Variants in PRPS2 observed in about 807,000 individuals in gnomAD.
The protein encoded by PRPS2 is phosphoribosyl pyrophosphate synthetase 2.
For synonymous variants in PRPS2, 111 were observed against 115.3 expected (o/e 0.96, Z 0.24); for missense variants, 104 against 271.5 (o/e 0.38, Z 4.34).
At chrX:12,807,078 G>A (rs908774330) in intron 2 of PRPS2, among the ~76,000 whole-genome samples, 1 of 85,403 alleles carries the variant, frequency 1.2e-5, no homozygotes, top group Non-Finnish European at 2.2e-5. Flanking sequence ...AATATTCTTT[G>A]AACGTGTGTC....
intron 1 of PRPS2, among the ~76,000 whole-genome samples, chrX:12,792,649 G>C (rs767215833): frequency 1.8e-5 from 2 of 112,011 alleles, no homozygotes; most frequent in South Asian, 7.5e-4. Context: ...TTTGGCAAAG[G>C]TTCAATTTTA....
In PRPS2 at chrX:12,823,570, C is replaced by T. The variant is rs1438787739; in HGVS notation, c.*774C>T. The T allele has an allele frequency of 9.0e-6, 1 of 111,495 alleles. No individual in the cohort carries two copies. Among genetic ancestry groups the T allele is most frequent in the Non-Finnish European group, 1.9e-5 (1 of 53,140 alleles). The allele number at this position is 111,495 out of a possible 1,213,427, so 9.2% of individuals were successfully genotyped here. A position where few individuals can be genotyped will look rare whatever the true frequency, so the allele number is the denominator to read the frequency against. The stretch of plus-strand genomic sequence containing the variant: ...AGCAATCGCCAAGGCCTAAAGCCAA[C>T]TGACTTAAAGGTAATCATTTCAGCT... On this transcript the variant is annotated 3_prime_UTR_variant, in exon 7 of 7. Transcript: ENST00000380668.
intron 4 of PRPS2, among the ~76,000 whole-genome samples, chrX:12,812,361 TCA>T (rs1348786388): frequency 1.8e-5 from 2 of 112,171 alleles, no homozygotes; most frequent in African/African-American, 6.5e-5. Context: ...GTGTGGTGAC[TCA>T]CACTTGTAAC....
intron 1 of PRPS2, among the ~76,000 whole-genome samples, chrX:12,793,891 A>G (rs1283798336): frequency 8.9e-6 from 1 of 111,938 alleles, no homozygotes; most frequent in Non-Finnish European, 1.9e-5. Flanking sequence ...TCAGATATGC[A>G]GGGAGAGGTC....
chrX:12,810,964 A>G (rs920624698), intron 4 of PRPS2, among the ~76,000 whole-genome samples: 3 of 111,754 alleles, frequency 2.7e-5, no homozygotes, highest in Middle Eastern at 4.3e-3. Context: ...AGGGGAGGAA[A>G]TAGTCACCTA....
At chrX:12,817,150 A>G (rs1215802775) in intron 4 of PRPS2, among the ~76,000 whole-genome samples, 1 of 110,756 alleles carries the variant, frequency 9.0e-6, no homozygotes. Flanking sequence ...AGAAGACATC[A>G]TTGGTCCTGT....
In PRPS2 at chrX:12,818,074, G is replaced by T. The variant is rs2042657254; in HGVS notation, c.531-1433G>T. The stretch of plus-strand genomic sequence containing the variant: ...GTGTTATGTATATTTTACCACAATT[G>T]AAAAGAAACACTGGCTGGGCACAGT... On this transcript the variant is annotated intron_variant, in intron 4 of 6. Coordinates refer to ENST00000380668, the MANE Select transcript of PRPS2 (RefSeq NM_002765.5). Among the ~76,000 whole-genome samples the T allele has an allele frequency of 2.7e-5, 3 of 111,448 alleles. No individual in the cohort carries two copies. The Admixed American group carries it at 2.9e-4, about 11-fold the overall frequency.
At chrX:12,813,746 C>T (rs951235960) in intron 4 of PRPS2, among the ~76,000 whole-genome samples, 2 of 111,561 alleles carry the variant, frequency 1.8e-5, no homozygotes, top group East Asian at 5.6e-4. Flanking sequence ...TTGGCTGGGA[C>T]GTTTCTTGTG....
chrX:12,808,612 G>A (rs2042606617), intron 2 of PRPS2, among the ~76,000 whole-genome samples: 1 of 112,250 alleles, frequency 8.9e-6, no homozygotes, highest in Non-Finnish European at 1.9e-5. Context: ...TCCCCTTACA[G>A]TATTCATTCT....
At position 12,824,142 on chromosome X, in the gene PRPS2, G is replaced by C. The variant is rs1388532013; in HGVS notation, c.*1346G>C. ...CAGGAGTATATCATTTGCAGTGCTT[G>C]TATTGGTTTAAAATGTAAGATTTTA... is the stretch of plus-strand genomic sequence containing the variant. On this transcript the variant is annotated 3_prime_UTR_variant, in exon 7 of 7. Coordinates refer to ENST00000380668, the MANE Select transcript of PRPS2 (RefSeq NM_002765.5). The C allele has an allele frequency of 1.8e-5, 2 of 112,576 alleles. No individual in the cohort carries two copies. The highest frequency in any genetic ancestry group is 6.5e-5 in the African/African-American group (2 of 30,876). The allele number at this position is 112,576 out of a possible 1,213,427, so 9.3% of individuals were successfully genotyped here. A position where few individuals can be genotyped will look rare whatever the true frequency, so the allele number is the denominator to read the frequency against.
At chrX:12,821,641 A>G (rs191844392) in intron 6 of PRPS2, among the ~76,000 whole-genome samples, 31 of 112,247 alleles carry the variant, frequency 2.8e-4, no homozygotes, top group African/African-American at 9.7e-4. Flanking sequence ...TTTTCAACTG[A>G]TAAGAACAGA....
chrX:12,809,431 T>C, intron 3 of PRPS2, 99 bp downstream of exon 3: 1 of 859,791 alleles, frequency 1.2e-6, no homozygotes, highest in Non-Finnish European at 1.7e-6. Flanking sequence ...ATGGCTACTC[T>C]CTTGGATTTT....
intron 4 of PRPS2, among the ~76,000 whole-genome samples, chrX:12,816,079 A>G (rs1196566156): frequency 8.9e-6 from 1 of 111,788 alleles, no homozygotes. Flanking sequence ...TGCTAGGGCT[A>G]CTGTGGTTTT....
intron 2 of PRPS2, among the ~76,000 whole-genome samples, chrX:12,806,710 G>A (rs1171303878): frequency 8.9e-6 from 1 of 112,412 alleles, no homozygotes; most frequent in Non-Finnish European, 1.9e-5. Context: ...GAGGAGAGAT[G>A]AGAAGGGAGG....
At chrX:12,809,894 CT>C in intron 3 of PRPS2, 127 bp from the exon 4 acceptor site, 1 of 903,163 alleles carries the variant, frequency 1.1e-6, no homozygotes, top group Non-Finnish European at 1.5e-6. Flanking sequence ...AAAAGGGAGT[CT>C]GTTATAAAAG....
chrX:12,809,984 A>G (rs750523086), intron 3 of PRPS2, 38 bp from the exon 4 acceptor site: 1 of 1,123,926 alleles, frequency 8.9e-7, no homozygotes, highest in Non-Finnish European at 1.2e-6. Context: ...ACAAAACAAA[A>G]CAAAACCCTG....
chrX:12,818,518 G>A (rs773200831), intron 4 of PRPS2, among the ~76,000 whole-genome samples: 3 of 110,605 alleles, frequency 2.7e-5, no homozygotes, highest in Non-Finnish European at 3.8e-5. Context: ...CAGAGCACGC[G>A]AGGAGCTCCA....
chrX:12,809,162 T>C (rs765828418), intron 2 of PRPS2, 72 bp from the exon 3 acceptor site: 32 of 958,064 alleles, frequency 3.3e-5, no homozygotes, highest in Non-Finnish European at 4.7e-5. Flanking sequence ...ATCCTTCTCA[T>C]GTACGTCTTA....
Position 12,818,380 on chromosome X carries a change from A to AG in PRPS2, c.531-1127_531-1126insG, listed in dbSNP as rs1555903801. ...TGAAACTGTCTCAAAAAAAAAAAAA[A>AG]AAAAGAAAAGAAAAGAAACACTGGT... On this transcript the variant is annotated intron_variant, in intron 4 of 6. Coordinates refer to ENST00000380668, the MANE Select transcript of PRPS2 (RefSeq NM_002765.5). Among the ~76,000 whole-genome samples, 237 of 108,026 alleles carry AG rather than the reference A, an allele frequency of 2.2e-3. 3 individuals carry two copies. Among genetic ancestry groups the AG allele is most frequent in the Admixed American group, 0.015 (153 of 9,998 alleles). 93.8% of individuals were successfully genotyped at this position (108,026 alleles called of 115,157 possible). A position where few individuals can be genotyped will look rare whatever the true frequency, so the allele number is the denominator to read the frequency against.
Sources: gnomAD v4.1 joint callset for allele counts (sites outside exome capture counted in the v4.1 genomes callset) on GRCh38, gnomAD v4.1.1 for gene constraint, MANE v1.5 for transcripts, NCBI Gene and HGNC (gene_info 2026-07-23, HGNC 2026-07-21) for gene names.